Variants in FBXO15 observed in about 807,000 individuals in gnomAD.
FBXO15 encodes F-box protein 15.
FBXO15 carries 30 observed loss-of-function variants against 49.5 expected under a neutral mutation model. The observed-to-expected ratio is 0.61, with a 90% CI of 0.45 to 0.82. The LOEUF is 0.82. FBXO15 is among the 40% of genes least tolerant of loss of function. The pLI is 0.00. For missense variants in FBXO15, 591 were observed against 631.5 expected, an observed-to-expected ratio of 0.94 and a Z score of 0.69; for synonymous variants, 250 against 232.7, an observed-to-expected ratio of 1.07 and a Z score of -0.68.
intron 8 of FBXO15, among the ~76,000 whole-genome samples, chr18:74,114,946 T>C (rs745467311): frequency 9.2e-5 from 14 of 152,198 alleles, no homozygotes; most frequent in Non-Finnish European, 1.8e-4. Context: ...AGATCCTTTT[T>C]ATTCACTATC....
intron 8 of FBXO15, among the ~76,000 whole-genome samples, chr18:74,094,044 C>A (rs915934493): frequency 6.6e-6 from 1 of 152,124 alleles, no homozygotes; most frequent in Non-Finnish European, 1.5e-5. Context: ...ATGGATGTTG[C>A]GTTAGCAGGC....
At chr18:74,124,397 G>C (rs1914610308) in intron 7 of FBXO15, 92 bp downstream of exon 7, 1 of 1,000,616 alleles carries the variant, frequency 1.0e-6, no homozygotes, top group African/African-American at 1.6e-5. Context: ...GAATATCTCT[G>C]CAGCTATTCT....
At chr18:74,100,835 A>G (rs887879963) in intron 8 of FBXO15, among the ~76,000 whole-genome samples, 1 of 152,186 alleles carries the variant, frequency 6.6e-6, no homozygotes, top group East Asian at 1.9e-4. Context: ...CCGGAAAGAT[A>G]CAACCCTCCT....
intron 8 of FBXO15, among the ~76,000 whole-genome samples, chr18:74,093,815 C>T (rs775859002): frequency 2.0e-5 from 3 of 152,174 alleles, no homozygotes; most frequent in Admixed American, 6.5e-5. Flanking sequence ...GAATCATGTG[C>T]GTTCTTAATG....
intron 8 of FBXO15, among the ~76,000 whole-genome samples, chr18:74,111,619 T>C (rs1427881223): frequency 6.6e-6 from 1 of 151,712 alleles, no homozygotes; most frequent in East Asian, 1.9e-4. Flanking sequence ...CTTTCACACC[T>C]TAAGAAACTA....
At chr18:74,089,249 T>TGC (rs879489703) in intron 8 of FBXO15, among the ~76,000 whole-genome samples, 11 of 152,316 alleles carry the variant, frequency 7.2e-5, no homozygotes, top group Admixed American at 7.2e-4. Flanking sequence ...TGGATGTTGT[T>TGC]GGTGTACAGA....
At chr18:74,113,553 T>C (rs1349486491) in intron 8 of FBXO15, among the ~76,000 whole-genome samples, 3 of 152,170 alleles carry the variant, frequency 2.0e-5, no homozygotes, top group Non-Finnish European at 4.4e-5. Context: ...GAAATCTCTG[T>C]ACCTTCCTCC....
Position 74,147,463 on chromosome 18 carries a change from G to C in FBXO15, c.116+207C>G, listed in dbSNP as rs1979507883. 22 of 1,205,096 alleles carry C rather than the reference G, an allele frequency of 1.8e-5. No individual in the cohort carries two copies. In the South Asian group the frequency reaches 8.8e-4, roughly 48 times the overall value. 74.7% of individuals were successfully genotyped at this position (1,205,096 alleles called of 1,614,324 possible). A position where few individuals can be genotyped will look rare whatever the true frequency, so the allele number is the denominator to read the frequency against. ...GCAAGAAAAAATATTTCCCCGAGAG[G>C]CTACTCTATTTGTGTCATAACTTAG... On this transcript the variant is annotated intron_variant, in intron 1 of 9. Coordinates refer to ENST00000419743, the MANE Select transcript of FBXO15 (RefSeq NM_001142958.2).
Position 74,130,617 on chromosome 18 carries a change from G to A in FBXO15, c.374C>T (p.Ala125Val). ...TGAATTAAATTTCCAATTTGATCTT[G>A]CAGGTGAAAAAGCAGTTGAGTAGAT... ...IGIYSTAFSP[A>V]RSNWKFNSVE... Residue 125 changes from alanine (A) to valine (V), a missense_variant, in exon 4 of 10, where the codon GCA becomes GTA. By Grantham distance (64) the Ala-to-Val change is moderately conservative. Transcript: ENST00000419743. 1 of 1,613,936 alleles carries A rather than the reference G, an allele frequency of 6.2e-7. No homozygotes were observed. Among genetic ancestry groups the A allele is most frequent in the Non-Finnish European group, 8.5e-7 (1 of 1,179,930 alleles).
At chr18:74,109,870 C>A (rs1327692521) in intron 8 of FBXO15, among the ~76,000 whole-genome samples, 1 of 151,786 alleles carries the variant, frequency 6.6e-6, no homozygotes, top group African/African-American at 2.4e-5. Flanking sequence ...AGGAGAAATA[C>A]CTAATGTAGA....
chr18:74,102,501 T>G (rs911294248), intron 8 of FBXO15, among the ~76,000 whole-genome samples: 1 of 152,192 alleles, frequency 6.6e-6, no homozygotes, highest in Non-Finnish European at 1.5e-5. Context: ...CCTGTACTGC[T>G]GAAGGGAATG....
At chr18:74,123,903 C>T (rs1265345985) in intron 7 of FBXO15, among the ~76,000 whole-genome samples, 1 of 151,806 alleles carries the variant, frequency 6.6e-6, no homozygotes, top group African/African-American at 2.4e-5. Flanking sequence ...CAGGCAGACC[C>T]AAAGCCAAGA....
At chr18:74,082,224 A>G in intron 8 of FBXO15, 173 bp from the exon 9 acceptor site, 1 of 473,474 alleles carries the variant, frequency 2.1e-6, no homozygotes, top group Non-Finnish European at 3.6e-6. Flanking sequence ...AGAGTGATGC[A>G]TCTGTGTCCC....
intron 8 of FBXO15, among the ~76,000 whole-genome samples, chr18:74,111,274 A>G (rs1914019551): frequency 6.6e-6 from 1 of 151,584 alleles, no homozygotes; most frequent in African/African-American, 2.4e-5. Context: ...AAAAAAAAAA[A>G]AAAAGAAAAA....
chr18:74,082,515 C>T (rs1250352967), intron 8 of FBXO15, among the ~76,000 whole-genome samples: 1 of 152,226 alleles, frequency 6.6e-6, no homozygotes, highest in East Asian at 1.9e-4. Context: ...TAAACCAACA[C>T]CTCTGCACAT....
chr18:74,135,703 T>C (rs1978672272), intron 3 of FBXO15, 59 bp downstream of exon 3: 3 of 1,354,170 alleles, frequency 2.2e-6, no homozygotes, highest in Admixed American at 2.2e-5. Flanking sequence ...AGTTACTAGT[T>C]TTCCTGACTT....
intron 2 of FBXO15, among the ~76,000 whole-genome samples, chr18:74,137,695 A>C (rs554745008): frequency 6.6e-6 from 1 of 152,312 alleles, no homozygotes; most frequent in Admixed American, 6.5e-5. Flanking sequence ...GTTGGATTCT[A>C]GTTATTTCAC....
At chr18:74,109,927 A>G (rs934039865) in intron 8 of FBXO15, among the ~76,000 whole-genome samples, 19 of 152,164 alleles carry the variant, frequency 1.2e-4, no homozygotes, top group Non-Finnish European at 1.6e-4. Context: ...ATGTATACCT[A>G]TGTAACAAAC....
intron 5 of FBXO15, among the ~76,000 whole-genome samples, chr18:74,128,406 A>G (rs1012230934): frequency 2.0e-5 from 3 of 152,094 alleles, no homozygotes; most frequent in African/African-American, 7.2e-5. Context: ...GATGGCAGGC[A>G]CTAATGTCAG....
Sources: gnomAD v4.1 joint callset for allele counts (sites outside exome capture counted in the v4.1 genomes callset) on GRCh38, gnomAD v4.1.1 for gene constraint, MANE v1.5 for transcripts, NCBI Gene and HGNC (gene_info 2026-07-23, HGNC 2026-07-21) for gene names.